Variants in MAD1L1 observed in about 807,000 individuals in gnomAD.
The protein encoded by MAD1L1 is mitotic arrest deficient 1 like 1.
A neutral mutation model predicts 96.9 loss-of-function variants in MAD1L1; 95 were observed. That is an observed-to-expected ratio of 0.98 (90% CI 0.83 to 1.16). MAD1L1 has a LOEUF of 1.16. Among genes scored for constraint, MAD1L1 ranks in the 50% most tolerant of loss-of-function variants. The pLI, the probability that MAD1L1 is intolerant of heterozygous loss-of-function variation, is 0.00. For synonymous variants in MAD1L1, 473 were observed against 396.6 expected (o/e 1.19, Z -2.29); for missense variants, 1,007 against 954.4 (o/e 1.06, Z -0.73).
intron 16 of MAD1L1, among the ~76,000 whole-genome samples, chr7:1,941,883 C>G (rs1489099659): frequency 5.4e-5 from 2 of 37,186 alleles, no homozygotes; most frequent in African/African-American, 8.4e-5. Context: ...GGCGCTAGGG[C>G]TCTGTGCAGA....
intron 15 of MAD1L1, among the ~76,000 whole-genome samples, chr7:1,976,446 T>C (rs1431423661): frequency 6.6e-6 from 1 of 152,200 alleles, no homozygotes; most frequent in Non-Finnish European, 1.5e-5. Flanking sequence ...GAGTTGTTCG[T>C]TCCTCCCAGT....
chr7:1,946,651 G>A (rs1379981701), intron 16 of MAD1L1, among the ~76,000 whole-genome samples: 1 of 152,238 alleles, frequency 6.6e-6, no homozygotes, highest in Non-Finnish European at 1.5e-5. Context: ...CGGAAGAGCC[G>A]GCTGGCGGGT....
chr7:2,209,169 G>A (rs78380708), intron 10 of MAD1L1, among the ~76,000 whole-genome samples: 5 of 152,276 alleles, frequency 3.3e-5, no homozygotes, highest in African/African-American at 9.6e-5. Context: ...TAAGGACCTC[G>A]TTCCACAGGG....
intron 12 of MAD1L1, among the ~76,000 whole-genome samples, chr7:2,024,488 A>G (rs1225794259): frequency 6.6e-6 from 1 of 152,218 alleles, no homozygotes; most frequent in Non-Finnish European, 1.5e-5. Flanking sequence ...TTGCTGTCAC[A>G]TAGAAATTGG....
At chr7:2,099,121 T>G (rs1786647202) in intron 11 of MAD1L1, among the ~76,000 whole-genome samples, 1 of 152,186 alleles carries the variant, frequency 6.6e-6, no homozygotes, top group African/African-American at 2.4e-5. Flanking sequence ...CTGAGGCTCC[T>G]AAGCGCAGTG....
rs764650876 is a variant in MAD1L1 at position 2,027,750 on chromosome 7, G to A, written c.1219-13108C>T. Among the ~76,000 whole-genome samples the A allele has an allele frequency of 6.3e-4, 96 of 152,306 alleles. 1 individual carries two copies. The highest frequency in any genetic ancestry group is 7.5e-4 in the Non-Finnish European group (51 of 68,020). On this transcript the variant is annotated intron_variant, in intron 12 of 18. Transcript: ENST00000265854. ...TGAAAAGGATTTCCTTACTAAAGTCGTCAGCACGATCTTTAACAGTGAAAT... is the reference window on the plus strand; with the variant it reads ...TGAAAAGGATTTCCTTACTAAAGTCATCAGCACGATCTTTAACAGTGAAAT...
chr7:2,137,680 G>A lies in MAD1L1; in HGVS notation c.1073+11472C>T, dbSNP rs562591643. Among the ~76,000 whole-genome samples the A allele has an allele frequency of 5.3e-5, 8 of 152,302 alleles. No homozygotes were observed. The South Asian group carries it at 1.2e-3, about 24-fold the overall frequency. On this transcript the variant is annotated intron_variant, in intron 11 of 18. Coordinates refer to ENST00000265854, the MANE Select transcript of MAD1L1 (RefSeq NM_001013836.2). ...GAAAACCTCAGCCAGGAAACAGAGC[G>A]CTTTCCCCATGGTCCCGGGTCACCT...
chr7:1,924,187 A>G (rs1002443520), intron 17 of MAD1L1, among the ~76,000 whole-genome samples: 2 of 152,244 alleles, frequency 1.3e-5, no homozygotes, highest in African/African-American at 4.8e-5. Context: ...ACACAGACTT[A>G]ACTTTTCACA....
At chr7:2,223,485 C>CCT (rs1793720706) in intron 4 of MAD1L1, 1 of 152,258 alleles carries the variant, frequency 6.6e-6, no homozygotes, top group South Asian at 2.1e-4. Flanking sequence ...ACTCCGGGAC[C>CCT]CTCTCACCCT....
chr7:2,104,469 A>G (rs1056009136), intron 11 of MAD1L1, among the ~76,000 whole-genome samples: 1 of 151,632 alleles, frequency 6.6e-6, no homozygotes, highest in Non-Finnish European at 1.5e-5. Flanking sequence ...TGGTGCCTAC[A>G]GGGGGCGGCT....
chr7:2,003,435 C>G (rs1050784421), intron 13 of MAD1L1, among the ~76,000 whole-genome samples: 1 of 152,098 alleles, frequency 6.6e-6, no homozygotes, highest in African/African-American at 2.4e-5. Context: ...TCAACCTGTC[C>G]GCTCTGCAGA....
At chr7:2,170,221 A>G (rs1434804953) in intron 10 of MAD1L1, among the ~76,000 whole-genome samples, 1 of 152,182 alleles carries the variant, frequency 6.6e-6, no homozygotes, top group Non-Finnish European at 1.5e-5. Flanking sequence ...GAAAGAAGGC[A>G]GCCCTGCCTC....
chr7:2,070,246 A>G (rs1785060073), intron 11 of MAD1L1, among the ~76,000 whole-genome samples: 1 of 152,140 alleles, frequency 6.6e-6, no homozygotes, highest in Non-Finnish European at 1.5e-5. Context: ...GAACCCACCC[A>G]TGATGCAACG....
intron 11 of MAD1L1, among the ~76,000 whole-genome samples, chr7:2,078,267 C>T (rs1785474638): frequency 6.6e-6 from 1 of 152,216 alleles, no homozygotes. Context: ...CTGCAGGATC[C>T]CCCACGTCAA....
intron 15 of MAD1L1, among the ~76,000 whole-genome samples, chr7:1,979,153 G>A (rs991298023): frequency 5.9e-5 from 9 of 152,218 alleles, no homozygotes; most frequent in African/African-American, 2.2e-4. Flanking sequence ...TGTGACGGAC[G>A]AAGCAGAGGC....
chr7:2,122,894 C>T (rs1788046799), intron 11 of MAD1L1, among the ~76,000 whole-genome samples: 2 of 152,218 alleles, frequency 1.3e-5, no homozygotes, highest in Non-Finnish European at 2.9e-5. Flanking sequence ...GTCCACCCAG[C>T]GCCCCTCCCA....
intron 18 of MAD1L1, among the ~76,000 whole-genome samples, chr7:1,854,071 C>T (rs996153304): frequency 5.3e-5 from 8 of 152,214 alleles, no homozygotes; most frequent in African/African-American, 1.2e-4. Flanking sequence ...CGATCACGGG[C>T]GTCGGGTACA....
rs374330945 is a variant in MAD1L1 at position 1,816,047 on chromosome 7, G to A, written c.*23C>T. ...AGGTCAGGCCAAGCAGAGTGGCTCC[G>A]GCTATGCCCCCGAGCCTGCAGGCTA... On this transcript the variant is annotated 3_prime_UTR_variant, in exon 19 of 19. Coordinates refer to ENST00000265854, the MANE Select transcript of MAD1L1 (RefSeq NM_001013836.2). The A allele has an allele frequency of 6.3e-4, 1,009 of 1,593,212 alleles. No individual in the cohort carries two copies. The highest frequency in any genetic ancestry group is 7.8e-4 in the Non-Finnish European group (909 of 1,169,112).
chr7:2,220,583 T>C (rs570543840), intron 5 of MAD1L1, among the ~76,000 whole-genome samples: 35 of 152,292 alleles, frequency 2.3e-4, no homozygotes, highest in Non-Finnish European at 4.3e-4. Flanking sequence ...GCAAACGACC[T>C]GGGTGGGCCT....
Sources: gnomAD v4.1 joint callset for allele counts (sites outside exome capture counted in the v4.1 genomes callset) on GRCh38, gnomAD v4.1.1 for gene constraint, MANE v1.5 for transcripts, NCBI Gene and HGNC (gene_info 2026-07-23, HGNC 2026-07-21) for gene names.